The following PRDM6 variants were observed in gnomAD, a reference collection of about 807,000 sequenced individuals.
The protein encoded by PRDM6 is PR/SET domain 6.
Under a neutral mutation model 60.8 loss-of-function variants are expected in PRDM6, and 25 were observed. The ratio of observed to expected loss-of-function variants is 0.41; its 90% CI spans 0.30 to 0.57. PRDM6 has a LOEUF of 0.57. Ranked by LOEUF, PRDM6 falls within the 20% of genes least tolerant of loss-of-function variation. The pLI, the probability that PRDM6 is intolerant of heterozygous loss-of-function variation, is 0.27. For missense variants in PRDM6, 839 were observed against 821.3 expected (o/e 1.02, Z -0.26); for synonymous variants, 407 against 357.4 (o/e 1.14, Z -1.57).
chr5:123,120,209 T>G (rs1277265892), intron 3 of PRDM6, among the ~76,000 whole-genome samples: 1 of 152,180 alleles, frequency 6.6e-6, no homozygotes, highest in Admixed American at 6.5e-5. Flanking sequence ...AATGGAAAAT[T>G]TTAAAGAGGA....
chr5:123,124,910 A>T (rs2150219832), intron 3 of PRDM6, among the ~76,000 whole-genome samples: 1 of 152,296 alleles, frequency 6.6e-6, no homozygotes, highest in African/African-American at 2.4e-5. Flanking sequence ...AGAAAAAAAA[A>T]GTAAAACAAA....
intron 3 of PRDM6, among the ~76,000 whole-genome samples, chr5:123,146,993 C>T (rs1239670187): frequency 2.0e-5 from 3 of 152,150 alleles, no homozygotes; most frequent in East Asian, 3.9e-4. Flanking sequence ...TAAATGTTTA[C>T]TCAAGCTTTC....
At chr5:123,103,629 G>A (rs1002378245) in intron 3 of PRDM6, among the ~76,000 whole-genome samples, 6 of 151,916 alleles carry the variant, frequency 3.9e-5, no homozygotes, top group African/African-American at 1.2e-4. Context: ...AATTATTAAT[G>A]TGCCCCCTTT....
At chr5:123,138,033 G>GC (rs201652215) in intron 3 of PRDM6, among the ~76,000 whole-genome samples, 5 of 151,524 alleles carry the variant, frequency 3.3e-5, no homozygotes, top group East Asian at 2.0e-4. Context: ...GTTCACCCCC[G>GC]CACCTTTCAA....
At chr5:123,171,191 A>G (rs924452193) in intron 6 of PRDM6, 83 bp downstream of exon 6, 2 of 1,106,484 alleles carry the variant, frequency 1.8e-6, no homozygotes, top group Admixed American at 2.7e-5. Flanking sequence ...GAGCACCTCC[A>G]CAGGGGAAGC....
Position 123,191,170 on chromosome 5 carries a change from G to C in PRDM6, c.*3969G>C, listed in dbSNP as rs1179898077. 1 of 152,196 alleles carries C rather than the reference G, an allele frequency of 6.6e-6. No individual in the cohort carries two copies. The highest frequency in any genetic ancestry group is 1.5e-5 in the Non-Finnish European group (1 of 68,040). 9.4% of individuals were successfully genotyped at this position (152,196 alleles called of 1,614,324 possible). The stretch of plus-strand genomic sequence containing the variant: ...CTCAGGGAAGGAGATCTGCGACCCT[G>C]AATGGGTCAGAGTTGCCTCATTAGT... On this transcript the variant is annotated 3_prime_UTR_variant, in exon 8 of 8. Transcript: ENST00000407847.
chr5:123,156,705 A>G (rs559713800), intron 4 of PRDM6, among the ~76,000 whole-genome samples: 2 of 152,288 alleles, frequency 1.3e-5, no homozygotes, highest in East Asian at 3.9e-4. Flanking sequence ...TAGGGGGTCC[A>G]CATAGGGAGG....
At chr5:123,136,003 A>C (rs1283054780) in intron 3 of PRDM6, among the ~76,000 whole-genome samples, 1 of 152,188 alleles carries the variant, frequency 6.6e-6, no homozygotes, top group African/African-American at 2.4e-5. Context: ...AAAGTATGAA[A>C]ATTTTATTTG....
At chr5:123,171,246 G>A (rs1198679180) in intron 6 of PRDM6, 138 bp downstream of exon 6, 2 of 711,406 alleles carry the variant, frequency 2.8e-6, no homozygotes, top group Non-Finnish European at 4.6e-6. Context: ...AGAGAGAAAT[G>A]CAAGACCACT....
intron 3 of PRDM6, among the ~76,000 whole-genome samples, chr5:123,136,844 C>A (rs1428912364): frequency 9.9e-6 from 1 of 101,174 alleles, no homozygotes; most frequent in African/African-American, 3.8e-5. Context: ...TCCTCACTTC[C>A]CAGAGTCTGG....
intron 3 of PRDM6, among the ~76,000 whole-genome samples, chr5:123,132,006 C>T (rs766573129): frequency 9.9e-5 from 15 of 152,132 alleles, no homozygotes; most frequent in Admixed American, 2.0e-4. Context: ...TTGAGAATGA[C>T]GTCAGTTAAC....
At chr5:123,118,514 T>G (rs1343837280) in intron 3 of PRDM6, among the ~76,000 whole-genome samples, 2 of 152,098 alleles carry the variant, frequency 1.3e-5, no homozygotes, top group Admixed American at 1.3e-4. Flanking sequence ...AAAACTAGGT[T>G]TTGCAAGTTT....
chr5:123,142,456 G>A (rs955489938), intron 3 of PRDM6, among the ~76,000 whole-genome samples: 16 of 152,122 alleles, frequency 1.1e-4, no homozygotes, highest in Non-Finnish European at 1.3e-4. Context: ...GCCAGAGGAA[G>A]ATTAACAATG....
At chr5:123,113,626 C>T (rs1162813364) in intron 3 of PRDM6, among the ~76,000 whole-genome samples, 2 of 152,178 alleles carry the variant, frequency 1.3e-5, no homozygotes, top group Non-Finnish European at 2.9e-5. Context: ...TCTTGCTCTT[C>T]ACCGGTCTGC....
At chr5:123,104,573 A>G (rs1364046147) in intron 3 of PRDM6, among the ~76,000 whole-genome samples, 1 of 152,148 alleles carries the variant, frequency 6.6e-6, no homozygotes, top group East Asian at 1.9e-4. Flanking sequence ...CATGTTTTTC[A>G]GCAATTTATC....
intron 3 of PRDM6, among the ~76,000 whole-genome samples, chr5:123,143,077 T>G (rs1264726844): frequency 6.6e-6 from 1 of 151,922 alleles, no homozygotes; most frequent in African/African-American, 2.4e-5. Context: ...GTCACGGATG[T>G]TCTCATTTCC....
intron 3 of PRDM6, among the ~76,000 whole-genome samples, chr5:123,133,234 A>G (rs931961975): frequency 8.5e-5 from 13 of 152,174 alleles, no homozygotes; most frequent in African/African-American, 3.1e-4. Context: ...TATTCTTACT[A>G]TTATAGGTAA....
At chr5:123,152,873 A>G (rs1309445348) in intron 3 of PRDM6, among the ~76,000 whole-genome samples, 1 of 152,206 alleles carries the variant, frequency 6.6e-6, no homozygotes, top group Non-Finnish European at 1.5e-5. Context: ...CATGATTTGT[A>G]ATGAGTGAGA....
At chr5:123,179,694 C>T (rs556771119) in intron 6 of PRDM6, among the ~76,000 whole-genome samples, 1 of 151,748 alleles carries the variant, frequency 6.6e-6, no homozygotes, top group Non-Finnish European at 1.5e-5. Context: ...TAGCAACTGC[C>T]TTCTCTGTCC....
Sources: allele counts gnomAD v4.1 joint callset (sites outside exome capture counted in the v4.1 genomes callset), GRCh38; gene constraint gnomAD v4.1.1; transcripts MANE v1.5; gene names NCBI Gene and HGNC (gene_info 2026-07-23, HGNC 2026-07-21).